The following TBC1D22A variants were observed in gnomAD, a reference collection of about 807,000 sequenced individuals.
TBC1D22A encodes TBC1 domain family member 22A, also known as putative GTPase activator.
A neutral mutation model predicts 60.2 loss-of-function variants in TBC1D22A; 38 were observed. That is an observed-to-expected ratio of 0.63 (90% CI 0.49 to 0.83). The LOEUF (loss-of-function observed/expected upper bound fraction) is 0.83, where lower values mean the gene tolerates loss of function less well. TBC1D22A is among the 40% of genes least tolerant of loss of function. The pLI, the probability that TBC1D22A is intolerant of heterozygous loss-of-function variation, is 0.00. For missense variants in TBC1D22A, 628 were observed against 701.0 expected (o/e 0.90, Z 1.18); for synonymous variants, 302 against 281.7 (o/e 1.07, Z -0.72).
Position 46,941,444 on chromosome 22 carries a change from A to AAT in TBC1D22A, c.1015+29264_1015+29265dup, listed in dbSNP as rs1265721962. On this transcript the variant is annotated intron_variant, in intron 8 of 12. Coordinates refer to ENST00000337137, the MANE Select transcript of TBC1D22A (RefSeq NM_014346.5). ...ATATACACGGAATATATATACACGG[A>AAT]ATATATATACGGAATATATATACAC... Among the ~76,000 whole-genome samples the AAT allele has an allele frequency of 2.3e-4, 30 of 132,642 alleles. 3 individuals carry two copies. The highest frequency in any genetic ancestry group is 7.9e-4 in the African/African-American group (29 of 36,818). The allele number at this position is 132,642 out of a possible 152,430, so 87.0% of individuals were successfully genotyped here. A position where few individuals can be genotyped will look rare whatever the true frequency, so the allele number is the denominator to read the frequency against.
intron 10 of TBC1D22A, among the ~76,000 whole-genome samples, chr22:47,027,140 A>C (rs1020600520): frequency 6.6e-5 from 10 of 152,214 alleles, no homozygotes; most frequent in African/African-American, 1.9e-4. Context: ...AAAAAGGTAC[A>C]AAAGAAATTC....
intron 4 of TBC1D22A, among the ~76,000 whole-genome samples, chr22:46,799,889 T>G (rs1286627334): frequency 2.0e-5 from 3 of 152,206 alleles, no homozygotes; most frequent in Admixed American, 1.3e-4. Context: ...CTCCGATCAC[T>G]TGGTTGAGGT....
rs115932657 is a variant in TBC1D22A at position 47,074,413 on chromosome 22, G to A, written c.1330-37095G>A. On this transcript the variant is annotated intron_variant, in intron 11 of 12. Coordinates refer to ENST00000337137, the MANE Select transcript of TBC1D22A (RefSeq NM_014346.5). ...TGGAAATGTCACCATGACAACTGAG[G>A]AGGTGCTGGAAGCAGGCACTTTGTT... Among the ~76,000 whole-genome samples, 1,246 of 152,338 alleles carry A rather than the reference G, an allele frequency of 8.2e-3. 17 individuals carry two copies. Among genetic ancestry groups the A allele is most frequent in the African/African-American group, 0.028 (1,159 of 41,578 alleles).
At chr22:46,776,577 A>G (rs2083715233) in intron 1 of TBC1D22A, among the ~76,000 whole-genome samples, 1 of 151,770 alleles carries the variant, frequency 6.6e-6, no homozygotes, top group Non-Finnish European at 1.5e-5. Flanking sequence ...GCTACTGTTT[A>G]TTGACCTCTT....
intron 7 of TBC1D22A, among the ~76,000 whole-genome samples, 155 bp from the exon 8 acceptor site, chr22:46,911,918 CA>C (rs386352908): frequency 6.2e-3 from 415 of 67,160 alleles, no homozygotes; most frequent in African/African-American, 0.016. Context: ...GACCCTGTCT[CA>C]AAAAAAAAAA....
chr22:46,789,289 C>A (rs540547798), intron 1 of TBC1D22A: 16 of 367,680 alleles, frequency 4.4e-5, no homozygotes, highest in African/African-American at 3.2e-4. Context: ...CCAAGCCCGG[C>A]TAATTTTTTG....
intron 12 of TBC1D22A, among the ~76,000 whole-genome samples, chr22:47,158,140 C>T (rs1356893665): frequency 2.6e-5 from 4 of 152,190 alleles, no homozygotes; most frequent in Admixed American, 6.5e-5. Flanking sequence ...GGCTCTGGCT[C>T]GTGTGGGTTC....
chr22:47,072,821 C>T (rs2064056489), intron 11 of TBC1D22A, among the ~76,000 whole-genome samples: 1 of 152,330 alleles, frequency 6.6e-6, no homozygotes, highest in East Asian at 1.9e-4. Flanking sequence ...TGCCTCTTGG[C>T]CATACATGTC....
chr22:46,807,906 A>G (rs1002980035), intron 4 of TBC1D22A, among the ~76,000 whole-genome samples: 2 of 152,196 alleles, frequency 1.3e-5, no homozygotes, highest in African/African-American at 4.8e-5. Flanking sequence ...GTTGGAGGCT[A>G]CAGTGAGCTA....
intron 9 of TBC1D22A, among the ~76,000 whole-genome samples, chr22:46,979,017 T>C (rs890726633): frequency 6.6e-6 from 1 of 152,228 alleles, no homozygotes; most frequent in Non-Finnish European, 1.5e-5. Flanking sequence ...TGATATGAAA[T>C]CTGAAACCTC....
Position 46,915,575 on chromosome 22 carries a change from G to T in TBC1D22A, c.1015+3387G>T, listed in dbSNP as rs529614164. 24 of 456,712 alleles carry T rather than the reference G, an allele frequency of 5.3e-5. 1 individual carries two copies. Among genetic ancestry groups the T allele is most frequent in the Admixed American group, 4.9e-4 (21 of 42,586 alleles). 28.3% of individuals were successfully genotyped at this position (456,712 alleles called of 1,614,324 possible). ...CTGGCCTGGTTCTGGGGATGAGCTT[G>T]TGTTGTTACTTGGATATTCCTCTTT... On this transcript the variant is annotated intron_variant, in intron 8 of 12. Transcript: ENST00000337137.
At chr22:46,833,940 C>G (rs1011018476) in intron 4 of TBC1D22A, among the ~76,000 whole-genome samples, 2 of 152,226 alleles carry the variant, frequency 1.3e-5, no homozygotes, top group Non-Finnish European at 2.9e-5. Context: ...CCCATTTGGT[C>G]TCTCTGCCAG....
At chr22:46,898,155 C>T (rs1359981271) in intron 7 of TBC1D22A, among the ~76,000 whole-genome samples, 2 of 152,160 alleles carry the variant, frequency 1.3e-5, no homozygotes, top group South Asian at 4.1e-4. Context: ...TTTTTTCCTA[C>T]CACTTGCTGC....
At chr22:46,830,128 A>G (rs1002680840) in intron 4 of TBC1D22A, among the ~76,000 whole-genome samples, 2 of 152,176 alleles carry the variant, frequency 1.3e-5, no homozygotes, top group African/African-American at 4.8e-5. Flanking sequence ...AAGGGTGTGG[A>G]GCTGGGCATA....
At chr22:46,773,729 C>T (rs1193687160) in intron 1 of TBC1D22A, among the ~76,000 whole-genome samples, 4 of 152,180 alleles carry the variant, frequency 2.6e-5, no homozygotes, top group African/African-American at 9.7e-5. Context: ...ACCTTGGCCT[C>T]CCAAAGTGCT....
intron 11 of TBC1D22A, among the ~76,000 whole-genome samples, chr22:47,089,569 C>T (rs1324528541): frequency 6.6e-6 from 1 of 152,192 alleles, no homozygotes; most frequent in African/African-American, 2.4e-5. Flanking sequence ...TGGGTGAGCT[C>T]GTGTGGGAGG....
chr22:46,887,047 T>A (rs996376534), intron 5 of TBC1D22A, among the ~76,000 whole-genome samples: 3 of 152,138 alleles, frequency 2.0e-5, no homozygotes, highest in Non-Finnish European at 4.4e-5. Flanking sequence ...ATCAAAGACG[T>A]CATTAATAGA....
chr22:47,017,589 GGGGA>G (rs1330361413), intron 10 of TBC1D22A, among the ~76,000 whole-genome samples: 2 of 152,156 alleles, frequency 1.3e-5, no homozygotes, highest in Non-Finnish European at 2.9e-5. Flanking sequence ...AATGCCAGGT[GGGGA>G]GGGAGTGAGG....
At chr22:46,903,184 C>T (rs1257316939) in intron 7 of TBC1D22A, among the ~76,000 whole-genome samples, 2 of 152,190 alleles carry the variant, frequency 1.3e-5, no homozygotes, top group Non-Finnish European at 2.9e-5. Flanking sequence ...TCACAGACCT[C>T]AGCCTGGTGG....
Sources: gnomAD v4.1 joint callset for allele counts (sites outside exome capture counted in the v4.1 genomes callset) on GRCh38, gnomAD v4.1.1 for gene constraint, MANE v1.5 for transcripts, NCBI Gene and HGNC (gene_info 2026-07-23, HGNC 2026-07-21) for gene names.